QTMAN: variants seen among roughly 807,000 people sequenced by gnomAD.
QTMAN encodes tRNA-queuosine alpha-mannosyltransferase.
At chr2:144,007,516 T>C in the QTMAN span, 2 of 1,589,456 alleles carry the variant, frequency 1.3e-6, no homozygotes, top group East Asian at 2.2e-5. Context: ...AAATGGGTTG[T>C]TTTGTGCTTG....
the QTMAN span, among the ~76,000 whole-genome samples, chr2:144,127,116 G>A: frequency 6.6e-6 from 1 of 151,738 alleles, no homozygotes; most frequent in African/African-American, 2.4e-5. Flanking sequence ...GCACATTCAG[G>A]ACATATAAAA....
chr2:144,039,322 A>T, the QTMAN span, among the ~76,000 whole-genome samples: 5 of 151,986 alleles, frequency 3.3e-5, no homozygotes, highest in Admixed American at 3.3e-4. Flanking sequence ...AGGGCATTCC[A>T]TGGGACTACA....
chr2:144,243,858 T>C, the QTMAN span, among the ~76,000 whole-genome samples: 1 of 152,318 alleles, frequency 6.6e-6, no homozygotes, highest in East Asian at 1.9e-4. Context: ...TCAATAAAAG[T>C]GATTGGTACA....
chr2:144,259,178 A>G, the QTMAN span, among the ~76,000 whole-genome samples: 1 of 152,186 alleles, frequency 6.6e-6, no homozygotes, highest in Admixed American at 6.5e-5. Flanking sequence ...TTTTGTTTTG[A>G]GACAGAGTCT....
chr2:144,322,661 T>TGTAGATGTAGCA, the QTMAN span, among the ~76,000 whole-genome samples: 1 of 152,186 alleles, frequency 6.6e-6, no homozygotes, highest in Non-Finnish European at 1.5e-5. Flanking sequence ...AATAGCCCAT[T>TGTAGATGTAGCA]CAGATAATTG....
chr2:144,020,785 T>C, the QTMAN span, among the ~76,000 whole-genome samples: 1 of 151,340 alleles, frequency 6.6e-6, no homozygotes, highest in Admixed American at 6.6e-5. Context: ...AGGAAAAAAC[T>C]TAAAAAAAAA....
chr2:143,953,503 T>C, the QTMAN span, among the ~76,000 whole-genome samples: 2 of 151,886 alleles, frequency 1.3e-5, no homozygotes, highest in African/African-American at 2.4e-5. Flanking sequence ...GCTTGTATTA[T>C]TAAACAAACA....
chr2:144,278,045 G>A, the QTMAN span, among the ~76,000 whole-genome samples: 5 of 152,172 alleles, frequency 3.3e-5, no homozygotes, highest in Non-Finnish European at 5.9e-5. Flanking sequence ...GATGGCAGGC[G>A]AGGTAATGAT....
the QTMAN span, among the ~76,000 whole-genome samples, chr2:144,266,301 C>T: frequency 2.0e-5 from 3 of 152,044 alleles, no homozygotes; most frequent in Non-Finnish European, 2.9e-5. Context: ...GGGGTAACAT[C>T]CAGAATTTGA....
the QTMAN span, among the ~76,000 whole-genome samples, chr2:144,232,414 T>C: frequency 6.6e-6 from 1 of 152,192 alleles, no homozygotes; most frequent in Non-Finnish European, 1.5e-5. Context: ...GTACCCATAA[T>C]AGATGTATTT....
chr2:144,232,691 C>G, the QTMAN span, among the ~76,000 whole-genome samples: 5 of 152,102 alleles, frequency 3.3e-5, no homozygotes, highest in Non-Finnish European at 5.9e-5. Flanking sequence ...ATAGATCACT[C>G]TAAAAAATCT....
chr2:144,115,560 G>A, the QTMAN span, among the ~76,000 whole-genome samples: 4 of 152,158 alleles, frequency 2.6e-5, no homozygotes, highest in Non-Finnish European at 4.4e-5. Flanking sequence ...CGCTCCCTGT[G>A]GTTTCACACA....
At chr2:144,314,112 A>G in the QTMAN span, among the ~76,000 whole-genome samples, 2 of 152,220 alleles carry the variant, frequency 1.3e-5, no homozygotes, top group Non-Finnish European at 2.9e-5. Flanking sequence ...GTTTATAGTG[A>G]TATGATTTGC....
chr2:144,323,587 C>G, the QTMAN span, among the ~76,000 whole-genome samples: 2 of 152,114 alleles, frequency 1.3e-5, no homozygotes, highest in African/African-American at 4.8e-5. Context: ...CATGGACACT[C>G]CTGAAAGGGT....
At chr2:144,143,754 G>T in the QTMAN span, among the ~76,000 whole-genome samples, 3 of 151,872 alleles carry the variant, frequency 2.0e-5, no homozygotes, top group African/African-American at 7.3e-5. Flanking sequence ...TGACCTACAG[G>T]TCATAATATA....
the QTMAN span, chr2:144,128,360 A>C: frequency 6.6e-6 from 1 of 152,078 alleles, no homozygotes; most frequent in Non-Finnish European, 1.5e-5. Flanking sequence ...AGTGGAGTTC[A>C]CTGAGTCATA....
At chr2:144,097,964 T>G in the QTMAN span, among the ~76,000 whole-genome samples, 1 of 152,212 alleles carries the variant, frequency 6.6e-6, no homozygotes, top group African/African-American at 2.4e-5. Context: ...TCTGAAGGCT[T>G]GCCTTGTCAT....
At chr2:143,994,010 GT>G in the QTMAN span, among the ~76,000 whole-genome samples, 1 of 152,074 alleles carries the variant, frequency 6.6e-6, no homozygotes, top group African/African-American at 2.4e-5. Flanking sequence ...GCTCCTAAAG[GT>G]TATACATTTT....
chr2:143,939,156 T>C, the QTMAN span: 1 of 151,026 alleles, frequency 6.6e-6, no homozygotes, highest in African/African-American at 2.4e-5. Context: ...GCTTTCTCCT[T>C]CTGTAAAATA....
Sources: gnomAD v4.1 joint callset for allele counts (sites outside exome capture counted in the v4.1 genomes callset) on GRCh38, gnomAD v4.1.1 for gene constraint, MANE v1.5 for transcripts, NCBI Gene and HGNC (gene_info 2026-07-23, HGNC 2026-07-21) for gene names.